The following GUCY1A2 variants were observed in gnomAD, a reference collection of about 807,000 sequenced individuals.
GUCY1A2 encodes the protein guanylate cyclase soluble subunit alpha-2.
In GUCY1A2, 27 loss-of-function variants were observed where a neutral mutation model predicts 63.5. The ratio of observed to expected loss-of-function variants is 0.43; its 90% CI spans 0.31 to 0.59. The LOEUF (loss-of-function observed/expected upper bound fraction) is 0.59, where lower values mean the gene tolerates loss of function less well. Among genes scored for constraint, GUCY1A2 ranks in the 20% least tolerant of loss-of-function variants. GUCY1A2 has a pLI of 0.11. For synonymous variants in GUCY1A2, 364 were observed against 343.5 expected, an observed-to-expected ratio of 1.06 and a Z score of -0.66; for missense variants, 768 against 913.3, an observed-to-expected ratio of 0.84 and a Z score of 2.05.
chr11:106,986,117 C>T lies in GUCY1A2; in HGVS notation c.318G>A (p.Gln106=). 1.4e-6 allele frequency: 2 copies of T among 1,470,862 alleles called. No homozygotes were observed. Among genetic ancestry groups the T allele is most frequent in the African/African-American group, 1.4e-5 (1 of 72,304 alleles). 91.1% of individuals were successfully genotyped at this position (1,470,862 alleles called of 1,614,324 possible). The change falls in exon 2 of 8, where the codon CAG becomes CAA. Residue 106 remains glutamine, a synonymous_variant. Transcript: ENST00000526355. ...ACTGCAGTGTCCTCTTGAGAGTCTGCTGTATCGTCTGAGGCTACAGAATAA... is the reference window on the plus strand; with the variant it reads ...ACTGCAGTGTCCTCTTGAGAGTCTGTTGTATCGTCTGAGGCTACAGAATAA... ...RLTAPSPQTI[Q]QTLKRTLQYY... is the part of the protein sequence containing the mutation.
At chr11:106,995,867 T>C (rs1037309325) in intron 1 of GUCY1A2, among the ~76,000 whole-genome samples, 1 of 152,204 alleles carries the variant, frequency 6.6e-6, no homozygotes, top group Admixed American at 6.5e-5. Flanking sequence ...ATGGATCTCA[T>C]GAGAAAATCA....
chr11:106,869,510 CTCA>C (rs1347397263), intron 4 of GUCY1A2, among the ~76,000 whole-genome samples: 1 of 152,144 alleles, frequency 6.6e-6, no homozygotes. Context: ...TGAAAAAATG[CTCA>C]TCATCACTGG....
intron 4 of GUCY1A2, among the ~76,000 whole-genome samples, chr11:106,842,189 A>G (rs569181260): frequency 5.3e-5 from 8 of 152,016 alleles, no homozygotes; most frequent in African/African-American, 1.4e-4. Flanking sequence ...TCCCACTGTT[A>G]AAGCTTTCCC....
rs567824444 is a variant in GUCY1A2 at position 106,957,011 on chromosome 11, G to A, written c.488-16833C>T. Reference sequence around the variant, plus strand: ...ATTGGAGATCCTGCAGGGAAGCCCCGCCCACTGAGGAATGATGGGTTGGGA... The same window carrying A: ...ATTGGAGATCCTGCAGGGAAGCCCCACCCACTGAGGAATGATGGGTTGGGA... On this transcript the variant is annotated intron_variant, in intron 3 of 7. Coordinates refer to ENST00000526355, the MANE Select transcript of GUCY1A2 (RefSeq NM_000855.3). Among the ~76,000 whole-genome samples the A allele has an allele frequency of 6.6e-4, 101 of 152,244 alleles. 1 individual carries two copies. The South Asian group carries it at 0.019, about 29-fold the overall frequency.
rs1287734810 is a variant in GUCY1A2 at position 106,679,857 on chromosome 11, G to T, written c.*7692C>A. On this transcript the variant is annotated 3_prime_UTR_variant, in exon 8 of 8. Transcript: ENST00000526355. Reference sequence around the variant, plus strand: ...TGCCACCTTCAGAAAGCATCTATTTGTAGCTCTGTAAGCTTCTATCCCAGC... The same window carrying T: ...TGCCACCTTCAGAAAGCATCTATTTTTAGCTCTGTAAGCTTCTATCCCAGC... The T allele has an allele frequency of 9.2e-6, 2 of 217,506 alleles. No individual in the cohort carries two copies. The highest frequency in any genetic ancestry group is 4.5e-5 in the African/African-American group (2 of 44,392). 13.5% of individuals were successfully genotyped at this position (217,506 alleles called of 1,614,324 possible). A position where few individuals can be genotyped will look rare whatever the true frequency, so the allele number is the denominator to read the frequency against.
chr11:107,014,339 G>A (rs538780508), intron 1 of GUCY1A2, among the ~76,000 whole-genome samples: 8 of 151,896 alleles, frequency 5.3e-5, no homozygotes, highest in South Asian at 2.1e-4. Flanking sequence ...TGCCTGCCTC[G>A]GCCTCCCAAA....
At chr11:106,708,477 C>CAAAGA in intron 7 of GUCY1A2, 35 bp downstream of exon 7, 6 of 1,577,924 alleles carry the variant, frequency 3.8e-6, no homozygotes, top group Non-Finnish European at 5.2e-6. Context: ...AAAACAAAGG[C>CAAAGA]CAAGACAGGA....
intron 6 of GUCY1A2, among the ~76,000 whole-genome samples, chr11:106,709,012 C>T (rs927954747): frequency 6.7e-6 from 1 of 149,912 alleles, no homozygotes; most frequent in African/African-American, 2.4e-5. Context: ...CTTTCTCCCT[C>T]CAGTTATTCT....
chr11:106,781,834 C>T (rs1285710565), intron 5 of GUCY1A2, among the ~76,000 whole-genome samples: 1 of 151,944 alleles, frequency 6.6e-6, no homozygotes, highest in African/African-American at 2.4e-5. Flanking sequence ...TCCCAAAGTG[C>T]TGGGATTACA....
At chr11:106,715,331 C>T (rs1863195331) in intron 6 of GUCY1A2, among the ~76,000 whole-genome samples, 1 of 152,096 alleles carries the variant, frequency 6.6e-6, no homozygotes, top group Admixed American at 6.6e-5. Flanking sequence ...ATCCTTTAGT[C>T]CAGCTCCCTC....
intron 4 of GUCY1A2, among the ~76,000 whole-genome samples, chr11:106,850,921 G>A (rs1025151580): frequency 6.6e-6 from 1 of 151,928 alleles, no homozygotes; most frequent in Admixed American, 6.6e-5. Flanking sequence ...CCTCCATGAT[G>A]TTTTCCATAA....
At chr11:106,846,633 C>T (rs956539546) in intron 4 of GUCY1A2, among the ~76,000 whole-genome samples, 2 of 151,564 alleles carry the variant, frequency 1.3e-5, no homozygotes, top group East Asian at 1.9e-4. Flanking sequence ...GTTTCCCAGA[C>T]GCTCTGACCT....
chr11:106,962,088 C>T (rs1313978321), intron 3 of GUCY1A2, among the ~76,000 whole-genome samples: 1 of 152,184 alleles, frequency 6.6e-6, no homozygotes, highest in Non-Finnish European at 1.5e-5. Flanking sequence ...CCACAAATCC[C>T]TCCTATTTTC....
chr11:106,743,469 T>C (rs1863732703), intron 6 of GUCY1A2, among the ~76,000 whole-genome samples: 1 of 152,084 alleles, frequency 6.6e-6, no homozygotes, highest in Non-Finnish European at 1.5e-5. Flanking sequence ...TATGATAGAA[T>C]TTACCATTAA....
chr11:106,850,751 A>G (rs1245577248), intron 4 of GUCY1A2, among the ~76,000 whole-genome samples: 2 of 151,862 alleles, frequency 1.3e-5, no homozygotes, highest in Non-Finnish European at 2.9e-5. Flanking sequence ...ATTGATTGAC[A>G]TTTAGGTTGA....
chr11:106,852,745 A>G (rs1265580651), intron 4 of GUCY1A2, among the ~76,000 whole-genome samples: 1 of 152,106 alleles, frequency 6.6e-6, no homozygotes, highest in Admixed American at 6.6e-5. Flanking sequence ...TTTGTCCATC[A>G]GGAATATTGG....
At chr11:106,756,184 G>T (rs1050014408) in intron 6 of GUCY1A2, among the ~76,000 whole-genome samples, 3 of 151,962 alleles carry the variant, frequency 2.0e-5, no homozygotes, top group Admixed American at 6.6e-5. Context: ...GCTTTTCTTT[G>T]CTTTCCATTT....
rs945354078 is a variant in GUCY1A2, at chr11:106,986,000, C to G, written c.365+70G>C. 14 of 842,410 alleles carry G rather than the reference C, an allele frequency of 1.7e-5. No individual in the cohort carries two copies. The African/African-American group carries it at 2.2e-4, about 13-fold the overall frequency. The allele number at this position is 842,410 out of a possible 1,614,324, so 52.2% of individuals were successfully genotyped here. On this transcript the variant is annotated intron_variant, in intron 2 of 7. Transcript: ENST00000526355. ...GACCTGGGTAGCAGAAAATCACATA[C>G]TCAACAGCTATGTTTGAGTAATTAC...
rs1045085808 is a variant in GUCY1A2, at chr11:106,684,563, T to G, written c.*2986A>C. 7.0e-5 allele frequency: 14 copies of G among 198,632 alleles called. No homozygotes were observed. The East Asian group carries it at 1.1e-3, about 16-fold the overall frequency. The allele number at this position is 198,632 out of a possible 1,614,324, so 12.3% of individuals were successfully genotyped here. A position where few individuals can be genotyped will look rare whatever the true frequency, so the allele number is the denominator to read the frequency against. On this transcript the variant is annotated 3_prime_UTR_variant, in exon 8 of 8. Coordinates refer to ENST00000526355, the MANE Select transcript of GUCY1A2 (RefSeq NM_000855.3). ...AGATAACTGATTTATTTGCAAATGA[T>G]GACATTCTCTCCATCAAAATAATCC...
Sources: allele counts gnomAD v4.1 joint callset (sites outside exome capture counted in the v4.1 genomes callset), GRCh38; gene constraint gnomAD v4.1.1; transcripts MANE v1.5; gene names NCBI Gene and HGNC (gene_info 2026-07-23, HGNC 2026-07-21).